The following SPICE1 variants were observed in gnomAD, a reference collection of about 807,000 sequenced individuals.
The protein encoded by SPICE1 is spindle and centriole-associated protein 1.
A neutral mutation model predicts 102.7 loss-of-function variants in SPICE1; 75 were observed. The ratio of observed to expected loss-of-function variants is 0.73; its 90% CI spans 0.61 to 0.88. The LOEUF (loss-of-function observed/expected upper bound fraction) is 0.88, where lower values mean the gene tolerates loss of function less well. Among genes scored for constraint, SPICE1 ranks in the 40% least tolerant of loss-of-function variants. The pLI is 0.00. For synonymous variants in SPICE1, 308 were observed against 350.3 expected, an observed-to-expected ratio of 0.88 and a Z score of 1.35; for missense variants, 979 against 1,020.1, an observed-to-expected ratio of 0.96 and a Z score of 0.55.
chr3:113,488,839 A>T, intron 7 of SPICE1, 106 bp downstream of exon 7: 1 of 663,144 alleles, frequency 1.5e-6, no homozygotes, highest in East Asian at 2.7e-5. Context: ...CAAATTTTTA[A>T]ATAAAAATAA....
intron 7 of SPICE1, among the ~76,000 whole-genome samples, chr3:113,485,151 C>A (rs1396384132): frequency 1.3e-5 from 2 of 151,488 alleles, no homozygotes; most frequent in Non-Finnish European, 2.9e-5. Context: ...GGGCAGACAC[C>A]AAACTAGCTG....
At chr3:113,465,613 T>C in intron 11 of SPICE1, 40 bp downstream of exon 11, 1 of 1,580,100 alleles carries the variant, frequency 6.3e-7, no homozygotes, top group Non-Finnish European at 8.6e-7. Context: ...AGATGTTTTA[T>C]ACCACTGAAC....
intron 1 of SPICE1, among the ~76,000 whole-genome samples, chr3:113,507,858 C>T (rs869343): frequency 0.21 from 31,688 of 151,986 alleles, 3,571 homozygotes; most frequent in African/African-American, 0.29. Context: ...ATTTTACAAA[C>T]GAGAAAACTG....
At chr3:113,509,555 C>G (rs1481973145) in intron 1 of SPICE1, among the ~76,000 whole-genome samples, 1 of 152,130 alleles carries the variant, frequency 6.6e-6, no homozygotes, top group Non-Finnish European at 1.5e-5. Context: ...ATCCCACAAC[C>G]CTGTGAAGCC....
At chr3:113,493,040 T>A (rs1277961132) in intron 6 of SPICE1, among the ~76,000 whole-genome samples, 166 bp downstream of exon 6, 1 of 152,252 alleles carries the variant, frequency 6.6e-6, no homozygotes, top group Non-Finnish European at 1.5e-5. Context: ...CAGTCTTGTT[T>A]GATACAAACA....
rs767258303 is a variant in SPICE1, at chr3:113,489,098, G to T, written c.493-35C>A. On this transcript the variant is annotated intron_variant, in intron 6 of 17. Transcript: ENST00000295872. ...CACAACAATAAAAATAGCACAAGTTGATTATATATATACTCAGACTTTCTT... is the reference window on the plus strand; with the variant it reads ...CACAACAATAAAAATAGCACAAGTTTATTATATATATACTCAGACTTTCTT... 3 of 1,312,700 alleles carry T rather than the reference G, an allele frequency of 2.3e-6. No individual in the cohort carries two copies. The South Asian group carries it at 3.6e-5, about 16-fold the overall frequency. The allele number at this position is 1,312,700 out of a possible 1,614,324, so 81.3% of individuals were successfully genotyped here.
intron 5 of SPICE1, 151 bp downstream of exon 5, chr3:113,493,898 T>C: frequency 1.9e-6 from 1 of 524,972 alleles, no homozygotes; most frequent in Non-Finnish European, 3.3e-6. Context: ...CAGATTATAA[T>C]GACTCTAACC....
intron 7 of SPICE1, among the ~76,000 whole-genome samples, chr3:113,475,885 T>G (rs187084572): frequency 0.017 from 2,532 of 151,944 alleles, 57 homozygotes; most frequent in African/African-American, 0.049. Flanking sequence ...AAGACAGGGA[T>G]GCCCTCTCTC....
chr3:113,514,183 G>C (rs1937279012), intron 1 of SPICE1, among the ~76,000 whole-genome samples: 1 of 152,208 alleles, frequency 6.6e-6, no homozygotes, highest in South Asian at 2.1e-4. Flanking sequence ...GTTAAAGGAA[G>C]AAAGGCAGAC....
chr3:113,505,024 T>C (rs1937080539), intron 2 of SPICE1, among the ~76,000 whole-genome samples: 1 of 152,250 alleles, frequency 6.6e-6, no homozygotes, highest in Non-Finnish European at 1.5e-5. Context: ...CATATTGGAA[T>C]AAATGCAGTC....
At chr3:113,507,984 C>T (rs894414691) in intron 1 of SPICE1, among the ~76,000 whole-genome samples, 1 of 152,194 alleles carries the variant, frequency 6.6e-6, no homozygotes. Flanking sequence ...CAAACCCTTA[C>T]ATTTATGGTC....
chr3:113,494,863 T>C (rs567967560), intron 4 of SPICE1, among the ~76,000 whole-genome samples: 1 of 152,316 alleles, frequency 6.6e-6, no homozygotes, highest in African/African-American at 2.4e-5. Flanking sequence ...TTATAATCCA[T>C]AGTTTGAAAA....
intron 7 of SPICE1, among the ~76,000 whole-genome samples, chr3:113,470,203 G>C (rs1476325882): frequency 1.3e-5 from 2 of 152,224 alleles, no homozygotes; most frequent in Non-Finnish European, 2.9e-5. Context: ...GATAAATGGT[G>C]GGAAAAACTT....
chr3:113,490,661 C>CCCTACTCAAAAAAAAAAAA (rs1292948671), intron 6 of SPICE1, among the ~76,000 whole-genome samples: 1 of 151,778 alleles, frequency 6.6e-6, no homozygotes, highest in Non-Finnish European at 1.5e-5. Context: ...AAAAAAAAAT[C>CCCTACTCAAAAAAAAAAAA]CCTACTCAAT....
chr3:113,480,094 C>A (rs1029728623), intron 7 of SPICE1, among the ~76,000 whole-genome samples: 5 of 151,942 alleles, frequency 3.3e-5, no homozygotes, highest in African/African-American at 1.2e-4. Flanking sequence ...ATTGGCACAT[C>A]TCTATAGAAA....
intron 7 of SPICE1, among the ~76,000 whole-genome samples, chr3:113,476,353 T>C (rs1164559591): frequency 1.3e-5 from 2 of 151,492 alleles, no homozygotes; most frequent in African/African-American, 2.4e-5. Flanking sequence ...AAAATGGCCA[T>C]ACTGCCCAAG....
rs6775574 is a variant in SPICE1, at chr3:113,443,248, T to G, written c.*2059A>C. 0.54 allele frequency: 81,930 copies of G among 152,042 alleles called. 23,304 individuals are homozygous for G. The highest frequency in any genetic ancestry group is 0.71 in the African/African-American group (29,625 of 41,482). The allele number at this position is 152,042 out of a possible 1,614,324, so 9.4% of individuals were successfully genotyped here. A position where few individuals can be genotyped will look rare whatever the true frequency, so the allele number is the denominator to read the frequency against. On this transcript the variant is annotated 3_prime_UTR_variant, in exon 18 of 18. Transcript: ENST00000295872. ...TGTCTGACTTTCAAATGGGAAAGATTAGATTAATTTGTCCAAAGTACACAG... is the reference window on the plus strand; with the variant it reads ...TGTCTGACTTTCAAATGGGAAAGATGAGATTAATTTGTCCAAAGTACACAG...
At chr3:113,449,597 T>A (rs1305038770) in intron 15 of SPICE1, 1 of 152,134 alleles carries the variant, frequency 6.6e-6, no homozygotes, top group East Asian at 1.9e-4. Flanking sequence ...ATCTTAAAGG[T>A]AACCTACTTC....
At chr3:113,454,430 C>T (rs769489033) in intron 13 of SPICE1, among the ~76,000 whole-genome samples, 1 of 152,054 alleles carries the variant, frequency 6.6e-6, no homozygotes, top group African/African-American at 2.4e-5. Flanking sequence ...GTCATTTGGC[C>T]GGGCGCGGTG....
Sources: gnomAD v4.1 joint callset for allele counts (sites outside exome capture counted in the v4.1 genomes callset) on GRCh38, gnomAD v4.1.1 for gene constraint, MANE v1.5 for transcripts, NCBI Gene and HGNC (gene_info 2026-07-23, HGNC 2026-07-21) for gene names.